Variants in ME1 observed in about 807,000 individuals in gnomAD.
ME1 encodes malic enzyme 1, also known as NADP-dependent malic enzyme.
ME1 carries 74 observed loss-of-function variants against 66.4 expected under a neutral mutation model. That is an observed-to-expected ratio of 1.11 (90% CI 0.92 to 1.35). The LOEUF (loss-of-function observed/expected upper bound fraction) is 1.35, where lower values mean the gene tolerates loss of function less well. Among genes scored for constraint, ME1 ranks in the 40% most tolerant of loss-of-function variants. ME1 has a pLI of 0.00. For missense variants in ME1, 750 were observed against 694.1 expected, an observed-to-expected ratio of 1.08 and a Z score of -0.90; for synonymous variants, 251 against 235.6, an observed-to-expected ratio of 1.07 and a Z score of -0.60.
chr6:83,260,929 C>A (rs1277392748), intron 6 of ME1, among the ~76,000 whole-genome samples: 5 of 152,078 alleles, frequency 3.3e-5, no homozygotes, highest in Non-Finnish European at 7.4e-5. Context: ...AAAATGTGTG[C>A]ATGCATCTTT....
intron 5 of ME1, among the ~76,000 whole-genome samples, chr6:83,321,881 C>G (rs1227706360): frequency 6.6e-6 from 1 of 152,190 alleles, no homozygotes; most frequent in Non-Finnish European, 1.5e-5. Flanking sequence ...CAAGGGTCAA[C>G]AGACACCTCA....
intron 5 of ME1, among the ~76,000 whole-genome samples, chr6:83,333,756 A>T (rs1197392637): frequency 6.6e-6 from 1 of 152,232 alleles, no homozygotes; most frequent in Non-Finnish European, 1.5e-5. Flanking sequence ...TGATATGTGT[A>T]GCCCGAAAGT....
chr6:83,279,551 G>C (rs1198904730), intron 6 of ME1, among the ~76,000 whole-genome samples: 1 of 152,122 alleles, frequency 6.6e-6, no homozygotes, highest in Non-Finnish European at 1.5e-5. Flanking sequence ...GAAAGCATTT[G>C]TGTGCTCAAA....
At chr6:83,307,645 A>C (rs2128537845) in intron 6 of ME1, among the ~76,000 whole-genome samples, 1 of 152,248 alleles carries the variant, frequency 6.6e-6, no homozygotes, top group East Asian at 1.9e-4. Context: ...AGGCATAAAA[A>C]GCAATGATTA....
chr6:83,264,393 A>G (rs1766950109), intron 6 of ME1, among the ~76,000 whole-genome samples: 1 of 152,200 alleles, frequency 6.6e-6, no homozygotes, highest in African/African-American at 2.4e-5. Context: ...TGCAGCCCAT[A>G]CATAGAGAGG....
At position 83,253,738 on chromosome 6, in the gene ME1, C is replaced by A; in HGVS notation, c.705G>T (p.Lys235Asn). Residue 235 changes from lysine (K) to asparagine (N), a missense_variant and splice_region_variant, in exon 7 of 14, where the codon AAG becomes AAT. Coordinates refer to ENST00000369705, the MANE Select transcript of ME1 (RefSeq NM_002395.6). ...LDEFMEAVSSKYGMNCLIQFE... is the reference protein window; with the variant it reads ...LDEFMEAVSSNYGMNCLIQFE... ...ACTGAATAAGGCAATTCATGCCATACCTATGGGACAAAAACATTCATATTA... is the reference window on the plus strand; with the variant it reads ...ACTGAATAAGGCAATTCATGCCATAACTATGGGACAAAAACATTCATATTA... The A allele has an allele frequency of 2.0e-6, 3 of 1,521,516 alleles. No homozygotes were observed. The highest frequency in any genetic ancestry group is 2.3e-5 in the South Asian group (2 of 88,276). 94.3% of individuals were successfully genotyped at this position (1,521,516 alleles called of 1,614,324 possible).
At chr6:83,228,075 G>A (rs1171595749) in intron 10 of ME1, among the ~76,000 whole-genome samples, 4 of 152,084 alleles carry the variant, frequency 2.6e-5, no homozygotes, top group Admixed American at 6.5e-5. Flanking sequence ...TATTTTCAAC[G>A]TTGTCATCTG....
At chr6:83,256,504 C>A (rs1766775620) in intron 6 of ME1, among the ~76,000 whole-genome samples, 1 of 152,040 alleles carries the variant, frequency 6.6e-6, no homozygotes, top group South Asian at 2.1e-4. Context: ...CCGTCTCACA[C>A]CAGTTAGAAT....
intron 4 of ME1, among the ~76,000 whole-genome samples, chr6:83,350,101 T>C (rs1339861098): frequency 2.0e-5 from 3 of 152,210 alleles, no homozygotes; most frequent in Non-Finnish European, 4.4e-5. Context: ...ATAATTGCCT[T>C]TATTTCATGG....
At chr6:83,379,034 T>C (rs1387430066) in intron 3 of ME1, among the ~76,000 whole-genome samples, 1 of 152,138 alleles carries the variant, frequency 6.6e-6, no homozygotes, top group Admixed American at 6.5e-5. Context: ...ATTACTTCCT[T>C]ATTTTCAACA....
At chr6:83,284,375 C>T (rs903968265) in intron 6 of ME1, among the ~76,000 whole-genome samples, 1 of 152,108 alleles carries the variant, frequency 6.6e-6, no homozygotes, top group Non-Finnish European at 1.5e-5. Context: ...AGGAGGGACT[C>T]CTCCCTAACT....
At chr6:83,244,390 T>C (rs944456189) in intron 7 of ME1, among the ~76,000 whole-genome samples, 4 of 152,094 alleles carry the variant, frequency 2.6e-5, no homozygotes, top group Non-Finnish European at 4.4e-5. Context: ...CTTACTAGAA[T>C]GCAAAGTGAT....
intron 5 of ME1, among the ~76,000 whole-genome samples, chr6:83,320,528 T>C (rs999076876): frequency 1.3e-5 from 2 of 152,252 alleles, no homozygotes; most frequent in Non-Finnish European, 2.9e-5. Context: ...AAACTGCAGC[T>C]GTTCCTTAAG....
intron 3 of ME1, among the ~76,000 whole-genome samples, chr6:83,367,729 A>C (rs1769125967): frequency 1.3e-5 from 2 of 152,250 alleles, no homozygotes; most frequent in South Asian, 4.1e-4. Context: ...GCTTTGGCTT[A>C]AAGGGAATGT....
At chr6:83,294,459 G>C (rs557325236) in intron 6 of ME1, among the ~76,000 whole-genome samples, 1 of 152,194 alleles carries the variant, frequency 6.6e-6, no homozygotes, top group African/African-American at 2.4e-5. Flanking sequence ...AGAGGAGAAT[G>C]GTCTTTCCTC....
intron 1 of ME1, among the ~76,000 whole-genome samples, chr6:83,430,585 A>C (rs2127699299): frequency 6.6e-6 from 1 of 152,338 alleles, no homozygotes; most frequent in Admixed American, 6.5e-5. Context: ...AGCTGCCGAA[A>C]AGTATCACCT....
At chr6:83,291,182 C>T (rs1340307435) in intron 6 of ME1, among the ~76,000 whole-genome samples, 1 of 152,052 alleles carries the variant, frequency 6.6e-6, no homozygotes, top group African/African-American at 2.4e-5. Flanking sequence ...CTGGTTATTT[C>T]ACCTGTTAAT....
At chr6:83,315,660 A>G (rs1768017403) in intron 5 of ME1, among the ~76,000 whole-genome samples, 1 of 152,216 alleles carries the variant, frequency 6.6e-6, no homozygotes, top group African/African-American at 2.4e-5. Context: ...ACACTTTGGG[A>G]GGCTGAGGCA....
At chr6:83,301,460 A>G (rs1406488878) in intron 6 of ME1, among the ~76,000 whole-genome samples, 1 of 151,986 alleles carries the variant, frequency 6.6e-6, no homozygotes, top group East Asian at 1.9e-4. Flanking sequence ...CTCCTGCCTC[A>G]GCCTCCCGAA....
Sources: allele counts gnomAD v4.1 joint callset (sites outside exome capture counted in the v4.1 genomes callset), GRCh38; gene constraint gnomAD v4.1.1; transcripts MANE v1.5; gene names NCBI Gene and HGNC (gene_info 2026-07-23, HGNC 2026-07-21).